The following EVL variants were observed in gnomAD, a reference collection of about 807,000 sequenced individuals.
EVL encodes Enah/Vasp-like.
EVL carries 21 observed loss-of-function variants against 59.6 expected under a neutral mutation model. The ratio of observed to expected loss-of-function variants is 0.35; its 90% CI spans 0.25 to 0.51. EVL has a LOEUF of 0.51. EVL is among the 20% of genes least tolerant of loss of function. The pLI is 0.97. For synonymous variants in EVL, 198 were observed against 203.5 expected, an observed-to-expected ratio of 0.97 and a Z score of 0.23; for missense variants, 462 against 546.6, an observed-to-expected ratio of 0.85 and a Z score of 1.54.
intron 1 of EVL, 80 bp downstream of exon 1, chr14:100,065,591 A>G: frequency 1.2e-6 from 1 of 833,964 alleles, no homozygotes; most frequent in Non-Finnish European, 1.8e-6. Flanking sequence ...GGCTGTAGAA[A>G]TTATCTCAGG....
chr14:100,038,930 A>G (rs1269948178), intron 1 of EVL, among the ~76,000 whole-genome samples: 1 of 152,196 alleles, frequency 6.6e-6, no homozygotes, highest in East Asian at 1.9e-4. Flanking sequence ...TCCCAAAAGC[A>G]GATGAATTCC....
At chr14:100,134,899 G>T (rs1038794361) in intron 8 of EVL, 1 of 152,162 alleles carries the variant, frequency 6.6e-6, no homozygotes, top group South Asian at 2.1e-4. Flanking sequence ...CCAGGGCCTG[G>T]GAGTGCTGCG....
intron 1 of EVL, among the ~76,000 whole-genome samples, chr14:100,028,130 G>GTTTTTTTTTTTTTTTT (rs756735010): frequency 2.0e-5 from 2 of 99,604 alleles, no homozygotes; most frequent in African/African-American, 4.9e-5. Flanking sequence ...TTTTTTGTTT[G>GTTTTTTTTTTTTTTTT]TTTGTTTTTT....
Position 100,007,200 on chromosome 14 carries a change from G to A in EVL, c.5+35143G>A, listed in dbSNP as rs576446579. Among the ~76,000 whole-genome samples the A allele has an allele frequency of 5.3e-5, 8 of 152,156 alleles. No homozygotes were observed. The South Asian group carries it at 1.5e-3, about 28-fold the overall frequency. On this transcript the variant is annotated intron_variant, in intron 1 of 13. Transcript: ENST00000402714. ...TTAGGGAGACATGAGACATCAATCA[G>A]TATATGTAAGATATATATTGGTTCC... is the stretch of plus-strand genomic sequence containing the variant.
At chr14:100,098,536 G>A (rs886878197) in intron 3 of EVL, among the ~76,000 whole-genome samples, 2 of 152,228 alleles carry the variant, frequency 1.3e-5, no homozygotes, top group South Asian at 2.1e-4. Context: ...TAGACATTGG[G>A]AGAGGGGCTA....
intron 3 of EVL, among the ~76,000 whole-genome samples, chr14:100,123,102 C>T (rs1210451601): frequency 3.9e-5 from 6 of 152,318 alleles, no homozygotes; most frequent in South Asian, 4.1e-4. Flanking sequence ...AAAGTGGAAT[C>T]AAGTGGACTT....
chr14:100,019,707 C>T (rs781315160), intron 1 of EVL: 124 of 1,531,522 alleles, frequency 8.1e-5, no homozygotes, highest in Middle Eastern at 6.7e-4. Flanking sequence ...GGGCTTTCTA[C>T]ATCAGTCTGC....
chr14:100,141,327 G>C, intron 12 of EVL, 81 bp downstream of exon 12: 1 of 1,502,146 alleles, frequency 6.7e-7, no homozygotes, highest in Non-Finnish European at 9.1e-7. Flanking sequence ...GCATGGCCAG[G>C]CAGGCCCTGG....
chr14:100,119,974 C>G (rs1399448442), intron 3 of EVL, among the ~76,000 whole-genome samples: 1 of 152,174 alleles, frequency 6.6e-6, no homozygotes, highest in African/African-American at 2.4e-5. Context: ...GAAGGTGACT[C>G]TGCGCTCTGC....
chr14:100,003,150 C>T (rs567139035), intron 1 of EVL, among the ~76,000 whole-genome samples: 2 of 152,316 alleles, frequency 1.3e-5, no homozygotes, highest in East Asian at 3.9e-4. Flanking sequence ...ACGCACCCCC[C>T]TCTTCCACTA....
intron 1 of EVL, among the ~76,000 whole-genome samples, chr14:100,082,089 GCTCC>G (rs1264045299): frequency 6.6e-6 from 1 of 151,990 alleles, no homozygotes; most frequent in East Asian, 1.9e-4. Flanking sequence ...GCGCCACTGA[GCTCC>G]AGCCTGGGCA....
Position 100,128,673 on chromosome 14 carries a change from G to T in EVL, c.642G>T (p.Gly214=). ...PPPLPAGGAQ[G]SSHDESSMSG... is the part of the protein sequence containing the mutation. The stretch of plus-strand genomic sequence containing the variant: ...CACTGCCAGCCGGAGGAGCCCAGGG[G>T]TCCAGCCACGACGAGAGCTCCATGT... The change falls in exon 6 of 14, where the codon GGG becomes GGT. Residue 214 remains glycine (G), a synonymous_variant. Coordinates refer to ENST00000392920, the MANE Select transcript of EVL (RefSeq NM_016337.3). 4 of 1,605,392 alleles carry T rather than the reference G, an allele frequency of 2.5e-6. No homozygotes were observed. Among genetic ancestry groups the T allele is most frequent in the Non-Finnish European group, 2.5e-6 (3 of 1,177,700 alleles).
chr14:100,133,661 G>A (rs762677080), intron 8 of EVL, among the ~76,000 whole-genome samples: 2 of 151,904 alleles, frequency 1.3e-5, no homozygotes, highest in South Asian at 2.1e-4. Flanking sequence ...CCTCCCGGCC[G>A]GCTCAACACT....
intron 8 of EVL, 23 bp downstream of exon 8, chr14:100,132,802 C>T: frequency 6.2e-7 from 1 of 1,613,446 alleles, no homozygotes. Context: ...CCCGCCCCAC[C>T]CTCAGGCTCC....
At chr14:100,098,142 T>G (rs1885947677) in intron 3 of EVL, among the ~76,000 whole-genome samples, 1 of 152,216 alleles carries the variant, frequency 6.6e-6, no homozygotes, top group Non-Finnish European at 1.5e-5. Context: ...GTAGACAGGT[T>G]CATAAACAGC....
chr14:99,991,203 TGTGA>T, intron 1 of EVL, among the ~76,000 whole-genome samples: 1 of 152,188 alleles, frequency 6.6e-6, no homozygotes, highest in Non-Finnish European at 1.5e-5. Context: ...TATTTTCTCT[TGTGA>T]GTTTCTTAAT....
At chr14:100,025,512 T>C (rs2061195364) in intron 1 of EVL, among the ~76,000 whole-genome samples, 1 of 152,256 alleles carries the variant, frequency 6.6e-6, no homozygotes, top group African/African-American at 2.4e-5. Context: ...CCTTTCTTTT[T>C]ACTCTGCTTT....
chr14:100,137,700 T>C, intron 10 of EVL, 40 bp from the exon 11 acceptor site: 1 of 1,613,936 alleles, frequency 6.2e-7, no homozygotes, highest in Non-Finnish European at 8.5e-7. Flanking sequence ...AGGCGGGCGC[T>C]GGCGCCGATT....
intron 1 of EVL, among the ~76,000 whole-genome samples, chr14:100,044,978 A>G (rs889180847): frequency 1.3e-5 from 2 of 152,120 alleles, no homozygotes; most frequent in African/African-American, 4.8e-5. Context: ...TAAAGAAATA[A>G]ATACTGGAGC....
Sources: allele counts gnomAD v4.1 joint callset (sites outside exome capture counted in the v4.1 genomes callset), GRCh38; gene constraint gnomAD v4.1.1; transcripts MANE v1.5; gene names NCBI Gene and HGNC (gene_info 2026-07-23, HGNC 2026-07-21).